MTAP: variants seen among roughly 807,000 people sequenced by gnomAD.
The protein encoded by MTAP is methylthioadenosine phosphorylase.
MTAP carries 33 observed loss-of-function variants against 33.6 expected under a neutral mutation model. That is an observed-to-expected ratio of 0.98 (90% CI 0.74 to 1.31). The LOEUF is 1.31. Among genes scored for constraint, MTAP ranks in the 40% most tolerant of loss-of-function variants. The probability of loss-of-function intolerance (pLI) is 0.00; values close to 1 mark genes in which losing one functional copy is unlikely to be tolerated. For synonymous variants in MTAP, 148 were observed against 125.7 expected (o/e 1.18, Z -1.19); for missense variants, 367 against 360.0 (o/e 1.02, Z -0.16).
chr9:21,834,205 G>A (rs1470480348), intron 4 of MTAP, among the ~76,000 whole-genome samples: 1 of 152,156 alleles, frequency 6.6e-6, no homozygotes, highest in Non-Finnish European at 1.5e-5. Context: ...GTTTTCACGG[G>A]GACTTTATAA....
intron 1 of MTAP, chr9:21,811,614 G>A (rs1824351484): frequency 4.0e-6 from 2 of 494,640 alleles, no homozygotes; most frequent in South Asian, 3.0e-5. Context: ...GTAACAGAAG[G>A]CTCTAGGCCA....
intron 1 of MTAP, among the ~76,000 whole-genome samples, chr9:21,888,686 T>G (rs562854317): frequency 7.2e-5 from 11 of 152,296 alleles, no homozygotes; most frequent in African/African-American, 2.6e-4. Context: ...TTTCCACCGC[T>G]TTACCTTAAG....
chr9:21,895,656 G>C lies in MTAP; in HGVS notation c.148-35352G>C, dbSNP rs533667141. Among the ~76,000 whole-genome samples, 5 of 152,360 alleles carry C rather than the reference G, an allele frequency of 3.3e-5. No individual in the cohort carries two copies. The East Asian group carries it at 9.6e-4, about 29-fold the overall frequency. On this transcript the variant is annotated intron_variant, in intron 1 of 1. Coordinates refer to the MTAP transcript ENST00000577563. ...GACCTTGGCAAACGGCACACTAGGA[G>C]GTTATATCCCATGCCTAGCTCAGAG... is the stretch of plus-strand genomic sequence containing the variant.
At chr9:21,915,946 G>T (rs995588691) in intron 1 of MTAP, among the ~76,000 whole-genome samples, 1 of 151,574 alleles carries the variant, frequency 6.6e-6, no homozygotes, top group African/African-American at 2.4e-5. Context: ...GAGATGGAAG[G>T]ATCACTTGAG....
chr9:21,931,388 G>A, downstream of MTAP: 1 of 493,736 alleles, frequency 2.0e-6, no homozygotes, highest in Admixed American at 3.6e-5. Context: ...GGAATGTCAG[G>A]TGAGCATCAG....
downstream of MTAP, chr9:21,935,796 C>T (rs1322820426): frequency 1.3e-5 from 2 of 152,192 alleles, no homozygotes; most frequent in Middle Eastern, 6.8e-3. Context: ...GATAAAATGG[C>T]TTAAGAATGC....
chr9:21,915,970 G>C (rs1265739671), intron 1 of MTAP, among the ~76,000 whole-genome samples: 1 of 151,116 alleles, frequency 6.6e-6, no homozygotes, highest in African/African-American at 2.4e-5. Flanking sequence ...AGGAGGTTGA[G>C]GTTGAACTGT....
At chr9:21,869,405 C>T (rs1029397834), downstream of MTAP, among the ~76,000 whole-genome samples, 20 of 152,122 alleles carry the variant, frequency 1.3e-4, no homozygotes, top group African/African-American at 4.6e-4. Flanking sequence ...GTTTTCTTTA[C>T]TTGGCTTCCA....
intron 1 of MTAP, among the ~76,000 whole-genome samples, chr9:21,809,805 A>G (rs941103008): frequency 6.6e-6 from 1 of 152,154 alleles, no homozygotes; most frequent in African/African-American, 2.4e-5. Context: ...AGAGAAGGGG[A>G]ATGTCCTAGT....
chr9:21,885,534 T>G (rs1232455902), intron 1 of MTAP, among the ~76,000 whole-genome samples: 2 of 152,100 alleles, frequency 1.3e-5, no homozygotes, highest in East Asian at 3.9e-4. Flanking sequence ...CCAAGCAGTG[T>G]ACACTGTACC....
chr9:21,829,340 C>G (rs371217435), intron 4 of MTAP, among the ~76,000 whole-genome samples: 17 of 152,138 alleles, frequency 1.1e-4, no homozygotes, highest in African/African-American at 3.9e-4. Context: ...GTGCAAATCA[C>G]TTTACCCACT....
At chr9:21,890,593 C>G (rs750632816) in intron 1 of MTAP, among the ~76,000 whole-genome samples, 93 of 152,174 alleles carry the variant, frequency 6.1e-4, no homozygotes, top group African/African-American at 1.8e-3. Flanking sequence ...TCAGAAATGG[C>G]TTCCCTGGGG....
chr9:21,869,784 C>G (rs1437496373), downstream of MTAP, among the ~76,000 whole-genome samples: 1 of 152,224 alleles, frequency 6.6e-6, no homozygotes, highest in Non-Finnish European at 1.5e-5. Context: ...CTCATCTCAC[C>G]TGGATACTGT....
intron 1 of MTAP, among the ~76,000 whole-genome samples, chr9:21,879,601 T>A (rs2118689252): frequency 6.6e-6 from 1 of 152,280 alleles, no homozygotes; most frequent in Admixed American, 6.5e-5. Context: ...ATTGTGTTGT[T>A]AACTGGTTAC....
At chr9:21,812,805 G>C (rs971262834) in intron 1 of MTAP, among the ~76,000 whole-genome samples, 2 of 152,248 alleles carry the variant, frequency 1.3e-5, no homozygotes, top group Admixed American at 1.3e-4. Flanking sequence ...GACTCCAGGG[G>C]ATATTGGGAG....
At chr9:21,871,658 A>G (rs755872146), downstream of MTAP, among the ~76,000 whole-genome samples, 9 of 152,156 alleles carry the variant, frequency 5.9e-5, no homozygotes, top group Admixed American at 6.5e-5. Context: ...ATTTATGCCT[A>G]TAGAAGTTTT....
chr9:21,846,458 T>C (rs1312953138), intron 5 of MTAP, among the ~76,000 whole-genome samples: 1 of 151,698 alleles, frequency 6.6e-6, no homozygotes, highest in African/African-American at 2.4e-5. Context: ...TAGACAATTT[T>C]CAAAACACAT....
At chr9:21,830,770 G>C (rs936448905) in intron 4 of MTAP, among the ~76,000 whole-genome samples, 4 of 152,166 alleles carry the variant, frequency 2.6e-5, no homozygotes, top group Non-Finnish European at 5.9e-5. Context: ...TCATAAAAGA[G>C]TCAAAGTAAA....
rs771974089 is a variant in MTAP at position 21,818,201 on chromosome 9, A to C, written c.346A>C (p.Arg116=). 4.3e-6 allele frequency: 7 copies of C among 1,612,058 alleles called. No homozygotes were observed. The highest frequency in any genetic ancestry group is 5.9e-6 in the Non-Finnish European group (7 of 1,179,106). The change falls in exon 4 of 8, where the codon AGG becomes CGG. Residue 116 remains arginine (R), a splice_region_variant and synonymous_variant. Coordinates refer to ENST00000644715, the MANE Select transcript of MTAP (RefSeq NM_002451.4). ...TGTCATTATTGATCAGTTCATTGACAGGTAAGCAGTCATACAAAATGCTTT... is the reference window on the plus strand; with the variant it reads ...TGTCATTATTGATCAGTTCATTGACCGGTAAGCAGTCATACAAAATGCTTT... The part of the protein sequence containing the change: ...DIVIIDQFID[R]TTMRPQSFYD...
Sources: gnomAD v4.1 joint callset for allele counts (sites outside exome capture counted in the v4.1 genomes callset) on GRCh38, gnomAD v4.1.1 for gene constraint, MANE v1.5 for transcripts, NCBI Gene and HGNC (gene_info 2026-07-23, HGNC 2026-07-21) for gene names.